Variants in GRIN2C observed in about 807,000 individuals in gnomAD.
The protein encoded by GRIN2C is glutamate receptor ionotropic, NMDA 2C.
GRIN2C carries 64 observed loss-of-function variants against 77.7 expected under a neutral mutation model. That is an observed-to-expected ratio of 0.82 (90% confidence interval 0.67 to 1.01). The LOEUF is 1.01. Ranked by LOEUF, GRIN2C falls within the 50% of genes least tolerant of loss-of-function variation. The pLI is 0.00. For synonymous variants in GRIN2C, 792 were observed against 643.4 expected (o/e 1.23, Z -3.49); for missense variants, 1,549 against 1,486.0 (o/e 1.04, Z -0.70).
chr17:74,852,117 C>G lies in GRIN2C; in HGVS notation c.894G>C (p.Leu298=). ...KVRDGVAILA[L]GAHSYWRQHG... ...GCTGGCGCCAGTAGCTGTGGGCGCC[C>G]AGGGCCAGAATGGCCACGCCGTCGC... Residue 298 remains leucine, a synonymous_variant, in exon 3 of 13, where the codon CTG becomes CTC. Transcript: ENST00000293190. The G allele has an allele frequency of 6.8e-7, 1 of 1,462,862 alleles. No homozygotes were observed. The highest frequency in any genetic ancestry group is 9.0e-7 in the Non-Finnish European group (1 of 1,106,470). The allele number at this position is 1,462,862 out of a possible 1,614,324, so 90.6% of individuals were successfully genotyped here. A position where few individuals can be genotyped will look rare whatever the true frequency, so the allele number is the denominator to read the frequency against.
At position 74,846,810 on chromosome 17, in the gene GRIN2C, G is replaced by A; in HGVS notation, c.2112C>T (p.Val704=). 2 of 1,614,142 alleles carry A rather than the reference G, an allele frequency of 1.2e-6. No individual in the cohort carries two copies. Among genetic ancestry groups the A allele is most frequent in the Admixed American group, 3.3e-5 (2 of 60,024 alleles). The change falls in exon 10 of 13, where the codon GTC becomes GTT. Residue 704 remains valine (V), a synonymous_variant. Transcript: ENST00000293190. This position sits in a 1 kb window ranked among gnomAD's most constrained non-coding sequence, Gnocchi z 4.4. ...SNYRDMHTHM[V]KFNQRSVEDA... ...CCTCCACCGAGCGCTGGTTGAACTT[G>A]ACCATGTGGGTGTGCATGTCACGGT...
chr17:74,852,638 G>T, intron 2 of GRIN2C, 27 bp from the exon 3 acceptor site: 1 of 981,276 alleles, frequency 1.0e-6, no homozygotes, highest in Non-Finnish European at 1.3e-6. Context: ...CCTGAGCGGG[G>T]CGGGAGGGCC....
chr17:74,852,380 G>T lies in GRIN2C; in HGVS notation c.631C>A (p.Arg211Ser). 5 of 1,440,018 alleles carry T rather than the reference G, an allele frequency of 3.5e-6. No individual in the cohort carries two copies. The highest frequency in any genetic ancestry group is 3.6e-6 in the Non-Finnish European group (4 of 1,105,058). The allele number at this position is 1,440,018 out of a possible 1,614,324, so 89.2% of individuals were successfully genotyped here. The change falls in exon 3 of 13, where the codon CGC becomes AGC. Residue 211 changes from arginine (R) to serine (S), a missense_variant. By Grantham distance (110) the Arg-to-Ser change is moderately radical. Coordinates refer to ENST00000293190, the MANE Select transcript of GRIN2C (RefSeq NM_000835.6). ...AGCTGGCGCAGCAGGCGCTGCGTGC[G>T]CGCGCGCGGCCCTCCCGGGCCCAGC... ...LELGPGGPRARTQRLLRQLDA... is the reference protein window; with the variant it reads ...LELGPGGPRASTQRLLRQLDA...
Position 74,847,380 on chromosome 17 carries a change from G to A in GRIN2C, c.1929C>T (p.Tyr643=). Residue 643 remains tyrosine (Y), a synonymous_variant, in exon 9 of 13, where the codon TAC becomes TAT. Transcript: ENST00000293190. This position sits in a 1 kb window ranked among gnomAD's most constrained non-coding sequence, Gnocchi z 5.2. ...AFFAVIFLAS[Y]TANLAAFMIQ... ...TCATGAAGGCGGCCAGGTTGGCCGT[G>A]TAGCTGGCGAGGAAGATGACAGCAA... The A allele has an allele frequency of 1.2e-6, 2 of 1,613,934 alleles. No individual in the cohort carries two copies. Among genetic ancestry groups the A allele is most frequent in the Non-Finnish European group, 1.7e-6 (2 of 1,179,972 alleles).
intron 2 of GRIN2C, chr17:74,854,098 C>T (rs1408140302): frequency 2.0e-5 from 3 of 152,610 alleles, no homozygotes; most frequent in East Asian, 1.9e-4. Flanking sequence ...CCCTTAGGCC[C>T]TCAGCCTAGA....
Position 74,846,011 on chromosome 17 carries a change from G to T in GRIN2C, c.2350+55C>A. The stretch of plus-strand genomic sequence containing the variant: ...GAACTTGAGTGGTGGTGGAAATGCT[G>T]ACAACCTTGGGCTCCACAGCCCACC... On this transcript the variant is annotated intron_variant, in intron 11 of 12. Transcript: ENST00000293190. The surrounding 1 kb of genome is among the most constrained non-coding windows in gnomAD (Gnocchi z 4.4). 6.6e-7 allele frequency: 1 copy of T among 1,515,372 alleles called. No individual in the cohort carries two copies. The highest frequency in any genetic ancestry group is 9.1e-7 in the Non-Finnish European group (1 of 1,093,926). The allele number at this position is 1,515,372 out of a possible 1,614,324, so 93.9% of individuals were successfully genotyped here. A position where few individuals can be genotyped will look rare whatever the true frequency, so the allele number is the denominator to read the frequency against.
In GRIN2C at chr17:74,852,268, G is replaced by A. The variant is rs1404590116; in HGVS notation, c.743C>T (p.Pro248Leu). Residue 248 changes from proline to leucine, a missense_variant, in exon 3 of 13, where the codon CCC (proline) becomes CTC (leucine). Pro to Leu is a moderately conservative substitution (Grantham distance 98, BLOSUM62 -3). This residue lies in a region of GRIN2C where 382 missense variants were observed against 360.0 expected (regional missense o/e 1.06). Transcript: ENST00000293190. The part of the protein sequence containing the change: ...AEAAQAGLVG[P>L]GHVWLVPNLA... ...GTTGGGCACCAGCCACACGTGGCCG[G>A]GCCCCACCAGACCGGCCTGCGCCGC... is the stretch of plus-strand genomic sequence containing the variant. The A allele has an allele frequency of 6.4e-6, 9 of 1,407,482 alleles. No homozygotes were observed. The Admixed American group carries it at 2.3e-4, about 36-fold the overall frequency. 87.2% of individuals were successfully genotyped at this position (1,407,482 alleles called of 1,614,324 possible). A position where few individuals can be genotyped will look rare whatever the true frequency, so the allele number is the denominator to read the frequency against.
rs148333702 is a variant in GRIN2C at position 74,846,139 on chromosome 17, G to A, written c.2277C>T (p.Tyr759=). ...GSGKVFATTG[Y]GIAMQKDSHW... Reference sequence around the variant, plus strand: ...GGGAGTCCTTCTGCATGGCGATGCCGTAGCCAGTGGTAGCAAAGACCTTGC... The same window carrying A: ...GGGAGTCCTTCTGCATGGCGATGCCATAGCCAGTGGTAGCAAAGACCTTGC... Residue 759 remains tyrosine (Y), a synonymous_variant, in exon 11 of 13, where the codon TAC becomes TAT. Transcript: ENST00000293190. This position sits in a 1 kb window ranked among gnomAD's most constrained non-coding sequence, Gnocchi z 4.4. 212 of 1,614,154 alleles carry A rather than the reference G, an allele frequency of 1.3e-4. No homozygotes were observed. The highest frequency in any genetic ancestry group is 2.7e-4 in the Admixed American group (16 of 60,030).
Position 74,850,529 on chromosome 17 carries a change from A to G in GRIN2C, c.1325+27T>C, listed in dbSNP as rs1402694281. 2.5e-6 allele frequency: 4 copies of G among 1,608,336 alleles called. No individual in the cohort carries two copies. Among genetic ancestry groups the G allele is most frequent in the Non-Finnish European group, 3.4e-6 (4 of 1,175,544 alleles). On this transcript the variant is annotated intron_variant, in intron 5 of 12. Transcript: ENST00000293190. The surrounding 1 kb of genome is among the most constrained non-coding windows in gnomAD (Gnocchi z 5.3). The stretch of plus-strand genomic sequence containing the variant: ...CATCACACGGCAGCACCCAGCTCAC[A>G]CTAGCCTCCCAGGGCCCTCCACAGA...
Position 74,843,471 on chromosome 17 carries a change from G to GCCGAGCTGGCCGTGAGGT in GRIN2C, c.2648_2665dup (p.Asp883_Ser888dup). ...CAGCATCTTGAGCACGCTGGCCTGG[G>GCCGAGCTGGCCGTGAGGT]CCGAGCTGGCCGTGAGGTCCGGGCT... On this transcript the variant is annotated inframe_insertion, in exon 13 of 13. Coordinates refer to ENST00000293190, the MANE Select transcript of GRIN2C (RefSeq NM_000835.6). 1 of 1,534,378 alleles carries GCCGAGCTGGCCGTGAGGT rather than the reference G, an allele frequency of 6.5e-7. No homozygotes were observed. The highest frequency in any genetic ancestry group is 2.4e-5 in the East Asian group (1 of 40,890).
rs1376999975 is a variant in GRIN2C at position 74,843,144 on chromosome 17, G to C, written c.2993C>G (p.Pro998Arg). ...LSDVSRVSRR[P>R]AWEARWPVRT... ...CACCGGCCACCGCGCCTCCCAGGCT[G>C]GGCGGCGCGACACTCGGGAGACGTC... The change falls in exon 13 of 13, where the codon CCA (proline) becomes CGA (arginine). Residue 998 changes from proline to arginine, a missense_variant. Pro to Arg is a moderately radical substitution (Grantham distance 103). Transcript: ENST00000293190. 2 of 417,120 alleles carry C rather than the reference G, an allele frequency of 4.8e-6. No individual in the cohort carries two copies. Among genetic ancestry groups the C allele is most frequent in the Non-Finnish European group, 8.4e-6 (2 of 237,868 alleles). The allele number at this position is 417,120 out of a possible 1,614,324, so 25.8% of individuals were successfully genotyped here.
upstream of GRIN2C, chr17:74,860,487 G>A: frequency 2.2e-6 from 1 of 456,682 alleles, no homozygotes; most frequent in Non-Finnish European, 4.4e-6. Flanking sequence ...GCACCTGGGG[G>A]TTCAGGTTGC....
chr17:74,852,031 G>C lies in GRIN2C; in HGVS notation c.980C>G (p.Ala327Gly). The change falls in exon 3 of 13, where the codon GCC (alanine) becomes GGC (glycine). Residue 327 changes from alanine to glycine, a missense_variant. Ala to Gly is a moderately conservative substitution (Grantham distance 60). Around this residue, in one of 3 missense-constraint regions of GRIN2C, gnomAD observed 717 missense variants for 858.1 expected, o/e 0.84. Transcript: ENST00000293190. ...CRVHPGPVSP[A>G]REAFYRHLLN... is the part of the protein sequence containing the mutation. ...TGCCCACCTGTAGAAGGCCTCCCGG[G>C]CAGGGCTGACGGGCCCAGGGTGAAC... 6.8e-7 allele frequency: 1 copy of C among 1,464,210 alleles called. No homozygotes were observed. The highest frequency in any genetic ancestry group is 9.0e-7 in the Non-Finnish European group (1 of 1,106,628). The allele number at this position is 1,464,210 out of a possible 1,614,324, so 90.7% of individuals were successfully genotyped here.
chr17:74,842,115 C>CAA lies in GRIN2C; in HGVS notation c.*318_*319dup. 3.0e-6 allele frequency: 1 copy of CAA among 335,426 alleles called. No homozygotes were observed. The highest frequency in any genetic ancestry group is 7.3e-5 in the East Asian group (1 of 13,644). 20.8% of individuals were successfully genotyped at this position (335,426 alleles called of 1,614,324 possible). On this transcript the variant is annotated 3_prime_UTR_variant, in exon 13 of 13. Coordinates refer to ENST00000293190, the MANE Select transcript of GRIN2C (RefSeq NM_000835.6). ...GATCGGGATGGCCCTGCCTCAACCA[C>CAA]AAGTTCCAGCCTCCATGCCCACAGC...
Position 74,843,083 on chromosome 17 carries a change from G to T in GRIN2C, c.3054C>A (p.Ser1018=), listed in dbSNP as rs1425963610. Residue 1018 remains serine (S), a synonymous_variant, in exon 13 of 13, where the codon TCC becomes TCA. Coordinates refer to ENST00000293190, the MANE Select transcript of GRIN2C (RefSeq NM_000835.6). ...AGCGCGCGGGCGACAGGGGCCGCTCGGAGGCCGAGAGGTGCCTCCCGCAGT... is the reference window on the plus strand; with the variant it reads ...AGCGCGCGGGCGACAGGGGCCGCTCTGAGGCCGAGAGGTGCCTCCCGCAGT... ...TGHCGRHLSA[S]ERPLSPARCH... 2.4e-5 allele frequency: 11 copies of T among 458,460 alleles called. No individual in the cohort carries two copies. The highest frequency in any genetic ancestry group is 4.1e-5 in the African/African-American group (2 of 48,602). The allele number at this position is 458,460 out of a possible 1,614,324, so 28.4% of individuals were successfully genotyped here. A position where few individuals can be genotyped will look rare whatever the true frequency, so the allele number is the denominator to read the frequency against.
Position 74,847,290 on chromosome 17 carries a change from C to G in GRIN2C, c.2001+18G>C. ...CCTCAGTGCCCCCCCCCACCCCCAG[C>G]AGCTATGGCCCCACAACCTTCTTGT... On this transcript the variant is annotated intron_variant, in intron 9 of 12. Transcript: ENST00000293190. The surrounding 1 kb of genome is among the most constrained non-coding windows in gnomAD (Gnocchi z 5.2). 1 of 1,321,588 alleles carries G rather than the reference C, an allele frequency of 7.6e-7. No individual in the cohort carries two copies. The highest frequency in any genetic ancestry group is 1.1e-6 in the Non-Finnish European group (1 of 925,102). 81.9% of individuals were successfully genotyped at this position (1,321,588 alleles called of 1,614,324 possible). A position where few individuals can be genotyped will look rare whatever the true frequency, so the allele number is the denominator to read the frequency against.
At position 74,852,315 on chromosome 17, in the gene GRIN2C, C is replaced by T; in HGVS notation, c.696G>A (p.Glu232=). Residue 232 remains glutamate, a synonymous_variant, in exon 3 of 13, where the codon GAG becomes GAA. Transcript: ENST00000293190. ...PVFVAYCSRE[E]AEVLFAEAAQ... Reference sequence around the variant, plus strand: ...CCGCCTCGGCGAAGAGCACCTCGGCCTCCTCGCGCGAGCAGTAGGCCACAA... The same window carrying T: ...CCGCCTCGGCGAAGAGCACCTCGGCTTCCTCGCGCGAGCAGTAGGCCACAA... 6.9e-7 allele frequency: 1 copy of T among 1,451,874 alleles called. No homozygotes were observed. 89.9% of individuals were successfully genotyped at this position (1,451,874 alleles called of 1,614,324 possible).
rs373406017 is a variant in GRIN2C, at chr17:74,846,793, G to A, written c.2129C>T (p.Ser710Leu). Residue 710 changes from serine to leucine, a missense_variant, in exon 10 of 13, where the codon TCG becomes TTG. Ser to Leu is a moderately radical substitution (Grantham distance 145, BLOSUM62 -2). Around this residue, in one of 3 missense-constraint regions of GRIN2C, gnomAD observed 717 missense variants for 858.1 expected, o/e 0.84. Coordinates refer to ENST00000293190, the MANE Select transcript of GRIN2C (RefSeq NM_000835.6). The surrounding 1 kb of genome is among the most constrained non-coding windows in gnomAD (Gnocchi z 4.4). ...HTHMVKFNQR[S>L]VEDALTSLKM... The stretch of plus-strand genomic sequence containing the variant: ...GAGGCTGGTGAGCGCGTCCTCCACC[G>A]AGCGCTGGTTGAACTTGACCATGTG... 7.4e-6 allele frequency: 12 copies of A among 1,613,988 alleles called. No individual in the cohort carries two copies. The highest frequency in any genetic ancestry group is 3.3e-5 in the Admixed American group (2 of 60,008).
rs2037639550 is a variant in GRIN2C, at chr17:74,851,452, C to G, written c.1113+125G>C. 4.7e-6 allele frequency: 3 copies of G among 632,208 alleles called. No homozygotes were observed. In the East Asian group the frequency reaches 8.5e-5, roughly 18 times the overall value. 39.2% of individuals were successfully genotyped at this position (632,208 alleles called of 1,614,324 possible). A position where few individuals can be genotyped will look rare whatever the true frequency, so the allele number is the denominator to read the frequency against. ...CCAGTGGAGGAGATGTTTGTTTCAGCTGAGACCTGGAAGATGAGGGGTTGG... is the reference window on the plus strand; with the variant it reads ...CCAGTGGAGGAGATGTTTGTTTCAGGTGAGACCTGGAAGATGAGGGGTTGG... On this transcript the variant is annotated intron_variant, in intron 4 of 12. Coordinates refer to ENST00000293190, the MANE Select transcript of GRIN2C (RefSeq NM_000835.6).
Sources: gnomAD v4.1 joint callset for allele counts on GRCh38, gnomAD v4.1.1 for gene constraint, gnomAD v4.1.1 regional missense constraint, Gnocchi (gnomAD v3.1) non-coding constraint, MANE v1.5 for transcripts, NCBI Gene and HGNC (gene_info 2026-07-23, HGNC 2026-07-21) for gene names.